The following RELL1 variants were observed in gnomAD, a reference collection of about 807,000 sequenced individuals.
RELL1 encodes the protein RELT like 1.
A neutral mutation model predicts 23.0 loss-of-function variants in RELL1; 10 were observed. That is an observed-to-expected ratio of 0.43 (90% confidence interval 0.27 to 0.74). RELL1 has a LOEUF of 0.74. Ranked by LOEUF, RELL1 falls within the 30% of genes least tolerant of loss-of-function variation. The probability of loss-of-function intolerance (pLI) is 0.19; values close to 1 mark genes in which losing one functional copy is unlikely to be tolerated. For missense variants in RELL1, 315 were observed against 364.4 expected (o/e 0.86, Z 1.10); for synonymous variants, 146 against 146.8 (o/e 0.99, Z 0.04).
At chr4:37,614,092 C>CA (rs1254333968) in intron 6 of RELL1, among the ~76,000 whole-genome samples, 1 of 152,206 alleles carries the variant, frequency 6.6e-6, no homozygotes, top group Non-Finnish European at 1.5e-5. Flanking sequence ...AAACACTAAA[C>CA]AAAACCAGAG....
chr4:37,649,522 C>A, intron 1 of RELL1, 22 bp from the exon 2 acceptor site: 1 of 1,595,464 alleles, frequency 6.3e-7, no homozygotes, highest in South Asian at 1.1e-5. Context: ...AACATGCATG[C>A]TGCATTAGAT....
chr4:37,686,376 T>TGGCTG (rs371570987), upstream of RELL1: 1,898 of 1,045,046 alleles, frequency 1.8e-3, 22 homozygotes, highest in African/African-American at 0.024. Context: ...GCTGATCGAG[T>TGGCTG]GGCTGGGCTG....
At chr4:37,607,153 A>G (rs139986240), downstream of RELL1, among the ~76,000 whole-genome samples, 222 of 152,366 alleles carry the variant, frequency 1.5e-3, no homozygotes, top group Non-Finnish European at 2.3e-3. Flanking sequence ...ACTAAAGGGC[A>G]ACCACAGATC....
At chr4:37,683,826 A>G (rs961795218) in intron 1 of RELL1, among the ~76,000 whole-genome samples, 1 of 152,062 alleles carries the variant, frequency 6.6e-6, no homozygotes, top group Non-Finnish European at 1.5e-5. Context: ...TCACGCCTGT[A>G]ATCCCAGCAC....
intron 1 of RELL1, among the ~76,000 whole-genome samples, chr4:37,678,585 C>T (rs940065705): frequency 6.6e-6 from 1 of 152,192 alleles, no homozygotes; most frequent in African/African-American, 2.4e-5. Flanking sequence ...TGACAGGAAA[C>T]CCCTCAAGTA....
At chr4:37,598,567 G>GT (rs1718939023) in intron 6 of RELL1, among the ~76,000 whole-genome samples, 1 of 152,084 alleles carries the variant, frequency 6.6e-6, no homozygotes, top group Non-Finnish European at 1.5e-5. Flanking sequence ...TGAGCTATAG[G>GT]TATGATTGTC....
chr4:37,666,904 C>A (rs1310501064), intron 1 of RELL1, among the ~76,000 whole-genome samples: 1 of 152,174 alleles, frequency 6.6e-6, no homozygotes, highest in Admixed American at 6.5e-5. Context: ...GCAAGACAGG[C>A]ACGTGGGCTG....
intron 6 of RELL1, among the ~76,000 whole-genome samples, chr4:37,621,317 G>A (rs540127599): frequency 3.3e-5 from 5 of 152,150 alleles, no homozygotes; most frequent in East Asian, 1.9e-4. Flanking sequence ...TCAGCCAGGC[G>A]TGGTGGTGGG....
rs141819115 is a variant in RELL1 at position 37,674,824 on chromosome 4, A to G, written c.88+11376T>C. Among the ~76,000 whole-genome samples the G allele has an allele frequency of 3.3e-5, 5 of 152,360 alleles. No individual in the cohort carries two copies. The East Asian group carries it at 9.6e-4, about 29-fold the overall frequency. On this transcript the variant is annotated intron_variant, in intron 1 of 6. Transcript: ENST00000454158. Reference sequence around the variant, plus strand: ...TAATGTTTACATCTACGCATGGGGAAGGAAGGCTTGGCAGATTATTGGTAT... The same window carrying G: ...TAATGTTTACATCTACGCATGGGGAGGGAAGGCTTGGCAGATTATTGGTAT...
chr4:37,666,000 A>G (rs1189600471), intron 1 of RELL1, among the ~76,000 whole-genome samples: 1 of 152,166 alleles, frequency 6.6e-6, no homozygotes, highest in East Asian at 1.9e-4. Flanking sequence ...GACCAGGCAG[A>G]GGGAGAAAGA....
chr4:37,646,073 C>T (rs903485474), intron 3 of RELL1, among the ~76,000 whole-genome samples: 1 of 152,170 alleles, frequency 6.6e-6, no homozygotes. Flanking sequence ...AGTCCACGAG[C>T]CCATGCTGGC....
chr4:37,667,163 A>C (rs78302378), intron 1 of RELL1, among the ~76,000 whole-genome samples: 306 of 152,284 alleles, frequency 2.0e-3, no homozygotes, highest in African/African-American at 6.9e-3. Context: ...AATGAATGTC[A>C]CTAGCATGAA....
At chr4:37,604,900 G>GACACAC (rs1483293891) in intron 6 of RELL1, among the ~76,000 whole-genome samples, 5 of 65,612 alleles carry the variant, frequency 7.6e-5, no homozygotes, top group Admixed American at 3.5e-4. Context: ...CACACACACA[G>GACACAC]ACACACACAC....
intron 4 of RELL1, among the ~76,000 whole-genome samples, chr4:37,636,465 G>A (rs1720334388): frequency 6.6e-6 from 1 of 151,832 alleles, no homozygotes; most frequent in Non-Finnish European, 1.5e-5. Context: ...GGTGGTGGCG[G>A]GCGCCTGTAG....
At chr4:37,593,526 G>A (rs1234128391) in intron 6 of RELL1, among the ~76,000 whole-genome samples, 1 of 152,150 alleles carries the variant, frequency 6.6e-6, no homozygotes, top group African/African-American at 2.4e-5. Context: ...TCTCTATTAA[G>A]GACCCCACAG....
intron 1 of RELL1, among the ~76,000 whole-genome samples, chr4:37,668,933 T>C (rs1721653898): frequency 6.6e-6 from 1 of 151,040 alleles, no homozygotes; most frequent in Non-Finnish European, 1.5e-5. Flanking sequence ...GGAGACCCTC[T>C]GCCTGGCAAC....
At chr4:37,665,088 T>A (rs1721484339) in intron 1 of RELL1, 4 of 363,856 alleles carry the variant, frequency 1.1e-5, no homozygotes, top group Admixed American at 3.6e-5. Context: ...GAAAGCAAAT[T>A]CTCTCATTGC....
intron 4 of RELL1, among the ~76,000 whole-genome samples, chr4:37,637,784 T>C (rs923997769): frequency 6.6e-6 from 1 of 152,214 alleles, no homozygotes; most frequent in African/African-American, 2.4e-5. Flanking sequence ...CAGTTCTCTG[T>C]AATTAATTAT....
chr4:37,622,139 T>A (rs1208727467), intron 6 of RELL1, among the ~76,000 whole-genome samples: 1 of 152,224 alleles, frequency 6.6e-6, no homozygotes, highest in South Asian at 2.1e-4. Context: ...CTCAGTCATT[T>A]GTGAGTAAGA....
Sources: gnomAD v4.1 joint callset for allele counts (sites outside exome capture counted in the v4.1 genomes callset) on GRCh38, gnomAD v4.1.1 for gene constraint, MANE v1.5 for transcripts, NCBI Gene and HGNC (gene_info 2026-07-23, HGNC 2026-07-21) for gene names.